The following PCLO variants were observed in gnomAD, a reference collection of about 807,000 sequenced individuals.
PCLO encodes the protein protein piccolo.
A neutral mutation model predicts 427.5 loss-of-function variants in PCLO; 82 were observed. The ratio of observed to expected loss-of-function variants is 0.19; its 90% confidence interval spans 0.16 to 0.23. The LOEUF (loss-of-function observed/expected upper bound fraction) is 0.23, where lower values mean the gene tolerates loss of function less well. Ranked by LOEUF, PCLO falls within the 10% of genes least tolerant of loss-of-function variation. The pLI is 1.00. For synonymous variants in PCLO, 2,357 were observed against 2,155.4 expected, an observed-to-expected ratio of 1.09 and a Z score of -2.59; for missense variants, 6,239 against 6,115.9, an observed-to-expected ratio of 1.02 and a Z score of -0.67.
At chr7:82,879,797 C>T (rs1031789467) in intron 9 of PCLO, 5 of 444,338 alleles carry the variant, frequency 1.1e-5, no homozygotes, top group African/African-American at 4.2e-5. Context: ...GCATACAATT[C>T]ACTTATGAGA....
At chr7:83,096,918 T>A (rs1790571876) in intron 3 of PCLO, among the ~76,000 whole-genome samples, 1 of 68,526 alleles carries the variant, frequency 1.5e-5, no homozygotes, top group African/African-American at 6.8e-5. Context: ...TATCTAAATA[T>A]ATATAATATA....
At chr7:83,026,195 G>A (rs1446406205) in intron 3 of PCLO, among the ~76,000 whole-genome samples, 2 of 152,142 alleles carry the variant, frequency 1.3e-5, no homozygotes, top group African/African-American at 2.4e-5. Context: ...TCAGTGTGCT[G>A]TATTCAGGAA....
chr7:83,155,780 G>A lies in PCLO; in HGVS notation c.861C>T (p.Asp287=), dbSNP rs61744360. 4.5e-4 allele frequency: 724 copies of A among 1,613,918 alleles called. 6 individuals are homozygous for A. The African/African-American group carries it at 8.4e-3, about 19-fold the overall frequency. ...DASRPQTKQA[D]IVRGESVKPS... ...GTTTAACTGATTCTCCCCTTACTATGTCTGCCTGTTTAGTCTGAGGCCTGG... is the reference window on the plus strand; with the variant it reads ...GTTTAACTGATTCTCCCCTTACTATATCTGCCTGTTTAGTCTGAGGCCTGG... Residue 287 remains aspartate, a synonymous_variant, in exon 2 of 25, where the codon GAC becomes GAT. Transcript: ENST00000333891.
intron 18 of PCLO, among the ~76,000 whole-genome samples, chr7:82,825,924 ATAT>A (rs1352978759): frequency 6.7e-6 from 1 of 148,840 alleles, no homozygotes; most frequent in East Asian, 2.0e-4. Flanking sequence ...ATATGTGTAT[ATAT>A]TATGTTCATA....
chr7:83,011,166 G>C (rs1055034251), intron 3 of PCLO, among the ~76,000 whole-genome samples: 2 of 151,874 alleles, frequency 1.3e-5, no homozygotes, highest in African/African-American at 2.4e-5. Context: ...AGGAGATAAT[G>C]AAAAACTTTT....
chr7:82,791,637 A>T (rs1028872354), intron 22 of PCLO, among the ~76,000 whole-genome samples: 8 of 152,214 alleles, frequency 5.3e-5, no homozygotes, highest in Non-Finnish European at 7.4e-5. Flanking sequence ...TGCTTTCCTC[A>T]GAGTCTATTA....
chr7:82,797,904 A>G (rs183318252), intron 22 of PCLO, among the ~76,000 whole-genome samples: 5 of 152,270 alleles, frequency 3.3e-5, no homozygotes, highest in East Asian at 3.9e-4. Flanking sequence ...TATTGTTTTT[A>G]AATTAGAAGC....
intron 9 of PCLO, 75 bp from the exon 10 acceptor site, chr7:82,879,537 C>G: frequency 8.7e-7 from 1 of 1,145,106 alleles, no homozygotes; most frequent in East Asian, 2.7e-5. Context: ...ACAGAGAGCA[C>G]AAAAAGTAGG....
At chr7:82,944,768 C>T (rs1413348301) in intron 6 of PCLO, among the ~76,000 whole-genome samples, 1 of 152,048 alleles carries the variant, frequency 6.6e-6, no homozygotes, top group Non-Finnish European at 1.5e-5. Context: ...CAGATATTTG[C>T]CAAATGTCCA....
At chr7:82,970,835 G>A (rs894347897) in intron 3 of PCLO, among the ~76,000 whole-genome samples, 4 of 151,796 alleles carry the variant, frequency 2.6e-5, no homozygotes, top group Non-Finnish European at 5.9e-5. Context: ...TTCACAGTGA[G>A]TAAAAAGAAA....
chr7:82,813,857 A>G (rs560058261), intron 20 of PCLO, among the ~76,000 whole-genome samples: 2 of 151,964 alleles, frequency 1.3e-5, no homozygotes, highest in Admixed American at 1.3e-4. Context: ...GAAATTGAGG[A>G]TCAAGTATTT....
intron 3 of PCLO, among the ~76,000 whole-genome samples, chr7:83,102,434 T>C (rs994279459): frequency 2.0e-5 from 3 of 151,986 alleles, no homozygotes; most frequent in African/African-American, 7.2e-5. Context: ...ATTTCATGTC[T>C]TTTACATAAT....
At chr7:82,813,542 C>A (rs1034252420) in intron 20 of PCLO, among the ~76,000 whole-genome samples, 9 of 151,608 alleles carry the variant, frequency 5.9e-5, no homozygotes, top group Non-Finnish European at 1.0e-4. Context: ...TGAAGATAGA[C>A]AAAACTCACT....
intron 3 of PCLO, among the ~76,000 whole-genome samples, chr7:83,095,350 C>T (rs1395008956): frequency 6.6e-6 from 1 of 151,896 alleles, no homozygotes; most frequent in Non-Finnish European, 1.5e-5. Context: ...TGTCTTGCTA[C>T]AGATTTGTTA....
chr7:82,767,057 A>G (rs1318769375), intron 22 of PCLO, among the ~76,000 whole-genome samples: 2 of 152,140 alleles, frequency 1.3e-5, no homozygotes, highest in Admixed American at 6.6e-5. Flanking sequence ...AAATACATGG[A>G]TGGAGGCAAA....
intron 13 of PCLO, among the ~76,000 whole-genome samples, chr7:82,841,746 T>A (rs1792372675): frequency 6.6e-6 from 1 of 152,102 alleles, no homozygotes; most frequent in Admixed American, 6.6e-5. Context: ...AAGCTGTAAT[T>A]TTATACCAGC....
In PCLO at chr7:82,950,338, G is replaced by C. The variant is rs2116420623; in HGVS notation, c.10250C>G (p.Ala3417Gly). 1 of 1,613,568 alleles carries C rather than the reference G, an allele frequency of 6.2e-7. No homozygotes were observed. The highest frequency in any genetic ancestry group is 8.5e-7 in the Non-Finnish European group (1 of 1,179,804). ...EKQPKKRSSG[A>G]KVRGQYDDMG... is the part of the protein sequence containing the mutation. Reference sequence around the variant, plus strand: ...GTCATCATACTGTCCTCGGACTTTAGCTCCAGAACTTCTCTTTTTGGGTTG... The same window carrying C: ...GTCATCATACTGTCCTCGGACTTTACCTCCAGAACTTCTCTTTTTGGGTTG... Residue 3417 changes from alanine to glycine, a missense_variant, in exon 6 of 25, where the codon GCT (alanine) becomes GGT (glycine). By Grantham distance (60) the Ala-to-Gly change is moderately conservative (BLOSUM62 0). Around this residue, in one of 5 missense-constraint regions of PCLO, gnomAD observed 4,677 missense variants for 4,468.4 expected, o/e 1.05. Transcript: ENST00000333891.
intron 3 of PCLO, among the ~76,000 whole-genome samples, chr7:83,126,330 A>G (rs965097364): frequency 5.9e-5 from 9 of 152,190 alleles, no homozygotes; most frequent in African/African-American, 2.2e-4. Context: ...GGGTGACTAC[A>G]GTCAACTATA....
intron 3 of PCLO, among the ~76,000 whole-genome samples, chr7:83,099,316 G>GA (rs895576739): frequency 2.1e-4 from 29 of 137,570 alleles, no homozygotes; most frequent in South Asian, 2.1e-3. Context: ...GATTATGAAA[G>GA]AAAAAAAAAT....
Sources: gnomAD v4.1 joint callset for allele counts (sites outside exome capture counted in the v4.1 genomes callset) on GRCh38, gnomAD v4.1.1 for gene constraint, gnomAD v4.1.1 regional missense constraint, MANE v1.5 for transcripts, NCBI Gene and HGNC (gene_info 2026-07-23, HGNC 2026-07-21) for gene names.